The following ANK2 variants were observed in gnomAD, a reference collection of about 807,000 sequenced individuals.
ANK2 encodes ankyrin-2.
A neutral mutation model predicts 360.5 loss-of-function variants in ANK2; 83 were observed. That is an observed-to-expected ratio of 0.23 (90% CI 0.19 to 0.28). ANK2 has a LOEUF of 0.28. Ranked by LOEUF, ANK2 falls within the 10% of genes least tolerant of loss-of-function variation. ANK2 has a pLI of 1.00. For missense variants in ANK2, 4,201 were observed against 4,795.7 expected, an observed-to-expected ratio of 0.88 and a Z score of 3.66; for synonymous variants, 1,740 against 1,759.5, an observed-to-expected ratio of 0.99 and a Z score of 0.28.
intron 1 of ANK2, among the ~76,000 whole-genome samples, chr4:112,854,589 A>C (rs564643468): frequency 9.8e-5 from 15 of 152,326 alleles, no homozygotes; most frequent in Admixed American, 9.1e-4. Flanking sequence ...TTAAATCCAC[A>C]TGACTTAGTG....
the ANK2 span, among the ~76,000 whole-genome samples, chr4:112,734,645 T>A: frequency 1.3e-5 from 2 of 152,248 alleles, no homozygotes; most frequent in African/African-American, 4.8e-5. Flanking sequence ...CTTGTATTCT[T>A]ATGCCACGTA....
chr4:112,705,842 C>A, the ANK2 span, among the ~76,000 whole-genome samples: 3 of 152,092 alleles, frequency 2.0e-5, no homozygotes, highest in African/African-American at 7.2e-5. Flanking sequence ...ACGCGCCGGG[C>A]GCGGCGCTGG....
chr4:113,084,590 T>A (rs752741678), intron 1 of ANK2, among the ~76,000 whole-genome samples: 1 of 152,212 alleles, frequency 6.6e-6, no homozygotes, highest in Non-Finnish European at 1.5e-5. Context: ...GTTTTTCCTG[T>A]TTTTCCCTCT....
the ANK2 span, chr4:112,788,681 C>G: frequency 7.5e-6 from 12 of 1,600,284 alleles, no homozygotes; most frequent in Non-Finnish European, 1.0e-5. Context: ...GGATGGCTCT[C>G]TGCTGCTGCA....
chr4:113,291,760 C>T (rs138841375), intron 20 of ANK2, among the ~76,000 whole-genome samples: 6 of 152,264 alleles, frequency 3.9e-5, no homozygotes, highest in Non-Finnish European at 7.4e-5. Context: ...TGTCTGGTAG[C>T]CATTGGCTGT....
chr4:112,783,307 T>C, the ANK2 span, among the ~76,000 whole-genome samples: 1 of 152,206 alleles, frequency 6.6e-6, no homozygotes, highest in Admixed American at 6.5e-5. Flanking sequence ...ATAAAACCTA[T>C]TTAACATAAT....
In ANK2 at chr4:113,331,994, C is replaced by T; in HGVS notation, c.3148C>T (p.Pro1050Ser). 6.2e-7 allele frequency: 1 copy of T among 1,614,090 alleles called. No homozygotes were observed. The highest frequency in any genetic ancestry group is 8.5e-7 in the Non-Finnish European group (1 of 1,180,014). Residue 1050 changes from proline (P) to serine (S), a missense_variant, in exon 28 of 46, where the codon CCT becomes TCT. By Grantham distance (74) the Pro-to-Ser change is moderately conservative (BLOSUM62 -1). This residue lies in a region of ANK2 where 1,268 missense variants were observed against 1,650.8 expected (regional missense o/e 0.77). Transcript: ENST00000357077. ...CAGTAAACTTCACCTGCCAACGGCT[C>T]CTCCCCCACTTAATGAGGGAGAAAG... is the stretch of plus-strand genomic sequence containing the variant. ...FLGKLHLPTA[P>S]PPLNEGESLV...
At chr4:113,163,177 G>A (rs956727151) in intron 1 of ANK2, among the ~76,000 whole-genome samples, 2 of 151,996 alleles carry the variant, frequency 1.3e-5, no homozygotes, top group African/African-American at 4.8e-5. Context: ...TGCACCAGTG[G>A]GCTGGCATGA....
At chr4:113,179,738 T>G (rs2153233389) in intron 2 of ANK2, among the ~76,000 whole-genome samples, 1 of 152,346 alleles carries the variant, frequency 6.6e-6, no homozygotes, top group East Asian at 1.9e-4. Flanking sequence ...TCTGCATAAC[T>G]TAATACTGTT....
intron 17 of ANK2, among the ~76,000 whole-genome samples, chr4:113,281,569 A>G (rs2062369264): frequency 6.6e-6 from 1 of 152,132 alleles, no homozygotes; most frequent in African/African-American, 2.4e-5. Context: ...ATCTCATGGT[A>G]ATCTCACAAG....
chr4:112,934,490 ATCAACTTT>A (rs2154240534), intron 2 of ANK2, among the ~76,000 whole-genome samples: 1 of 152,164 alleles, frequency 6.6e-6, no homozygotes, highest in South Asian at 2.1e-4. Flanking sequence ...TGAATTTTTA[ATCAACTTT>A]TCTATATTTT....
intron 45 of ANK2, among the ~76,000 whole-genome samples, chr4:113,378,508 A>G (rs950471587): frequency 2.0e-4 from 30 of 152,352 alleles, no homozygotes; most frequent in African/African-American, 6.5e-4. Context: ...CAGAGAGCAT[A>G]GGAAGAAGAA....
At chr4:112,903,710 A>G (rs980115008) in intron 1 of ANK2, among the ~76,000 whole-genome samples, 5 of 152,204 alleles carry the variant, frequency 3.3e-5, no homozygotes, top group Non-Finnish European at 4.4e-5. Flanking sequence ...CAATCTCTTG[A>G]TATTGTGTAA....
At chr4:113,060,661 G>C (rs2072778685) in intron 1 of ANK2, among the ~76,000 whole-genome samples, 1 of 141,110 alleles carries the variant, frequency 7.1e-6, no homozygotes, top group South Asian at 2.4e-4. Flanking sequence ...TGGTCAATTG[G>C]TCAATGAATC....
intron 1 of ANK2, among the ~76,000 whole-genome samples, chr4:112,851,061 G>A (rs906592800): frequency 2.6e-5 from 4 of 152,060 alleles, no homozygotes; most frequent in Non-Finnish European, 4.4e-5. Flanking sequence ...ACCTGAGGTC[G>A]GAACCAGTAG....
chr4:113,249,915 G>A, intron 10 of ANK2, 53 bp downstream of exon 10: 1 of 1,471,730 alleles, frequency 6.8e-7, no homozygotes, highest in Non-Finnish European at 9.4e-7. Context: ...GTTACTTGAT[G>A]TATTATCTCT....
At chr4:112,792,791 CAT>C in the ANK2 span, among the ~76,000 whole-genome samples, 1 of 152,088 alleles carries the variant, frequency 6.6e-6, no homozygotes, top group Non-Finnish European at 1.5e-5. Context: ...CATGGAGAAA[CAT>C]AGACCCCAAA....
intron 2 of ANK2, among the ~76,000 whole-genome samples, chr4:113,029,354 C>G (rs994379883): frequency 1.3e-5 from 2 of 152,010 alleles, no homozygotes; most frequent in African/African-American, 2.4e-5. Context: ...CCTGCCTCAA[C>G]CTCCTGAGTA....
At chr4:112,980,960 G>A (rs1237091497) in intron 2 of ANK2, among the ~76,000 whole-genome samples, 1 of 152,210 alleles carries the variant, frequency 6.6e-6, no homozygotes, top group African/African-American at 2.4e-5. Flanking sequence ...TATCAGAGAG[G>A]TTGCCCAAGA....
Sources: gnomAD v4.1 joint callset for allele counts (sites outside exome capture counted in the v4.1 genomes callset) on GRCh38, gnomAD v4.1.1 for gene constraint, gnomAD v4.1.1 regional missense constraint, MANE v1.5 for transcripts, NCBI Gene and HGNC (gene_info 2026-07-23, HGNC 2026-07-21) for gene names.